Variants in DTNB observed in about 807,000 individuals in gnomAD.
DTNB encodes dystrobrevin beta.
Under a neutral mutation model 90.7 loss-of-function variants are expected in DTNB, and 63 were observed. That is an observed-to-expected ratio of 0.69 (90% confidence interval 0.57 to 0.86). DTNB has a LOEUF of 0.86. Ranked by LOEUF, DTNB falls within the 40% of genes least tolerant of loss-of-function variation. The pLI, the probability that DTNB is intolerant of heterozygous loss-of-function variation, is 0.00. For synonymous variants in DTNB, 277 were observed against 286.7 expected (o/e 0.97, Z 0.34); for missense variants, 744 against 807.1 (o/e 0.92, Z 0.95).
At chr2:25,526,395 A>ATATATTTTT in intron 9 of DTNB, among the ~76,000 whole-genome samples, 717 of 49,798 alleles carry the variant, frequency 0.014, 20 homozygotes, top group East Asian at 0.034. Flanking sequence ...ATATATATAT[A>ATATATTTTT]TTTTTTTTTT....
rs1224653544 is a variant in DTNB, at chr2:25,614,805, A to G, written c.363-7484T>C. 3.9e-5 allele frequency among the ~76,000 whole-genome samples: 6 copies of G among 152,328 alleles called. No individual in the cohort carries two copies. The East Asian group carries it at 1.2e-3, about 29-fold the overall frequency. On this transcript the variant is annotated intron_variant, in intron 4 of 20. Transcript: ENST00000406818. ...AAAACTGTTTTTCCTACTCTCTTAC[A>G]CAGCAATTCACTCTGACACCAGATG...
chr2:25,670,729 A>G (rs1040889303), intron 1 of DTNB, among the ~76,000 whole-genome samples: 1 of 152,228 alleles, frequency 6.6e-6, no homozygotes, highest in East Asian at 1.9e-4. Flanking sequence ...GGGAAGATAG[A>G]GAATGGACTG....
At position 25,652,644 on chromosome 2, in the gene DTNB, C is replaced by G; in HGVS notation, c.17G>C (p.Gly6Ala). Residue 6 changes from glycine (G) to alanine (A), a missense_variant, in exon 2 of 21, where the codon GGG becomes GCG. Transcript: ENST00000406818. ...CTCTGCCATGGTCTTCCGCTTGTTC[C>G]CACTTTCCTCAATCATCCTAGAGAC... Reference protein sequence around the residue: MIEESGNKRKTMAEKR... With the variant: MIEESANKRKTMAEKR... The G allele has an allele frequency of 6.2e-7, 1 of 1,612,808 alleles. No homozygotes were observed. The highest frequency in any genetic ancestry group is 8.5e-7 in the Non-Finnish European group (1 of 1,179,714).
intron 1 of DTNB, among the ~76,000 whole-genome samples, chr2:25,663,779 T>C (rs1574213909): frequency 6.6e-6 from 1 of 152,246 alleles, no homozygotes; most frequent in Admixed American, 6.5e-5. Flanking sequence ...CAACGTGTTC[T>C]ACCAGTATCT....
intron 19 of DTNB, 149 bp from the exon 20 acceptor site, chr2:25,379,472 G>A: frequency 4.0e-6 from 4 of 1,009,340 alleles, no homozygotes; most frequent in Non-Finnish European, 5.2e-6. Flanking sequence ...TCCCACCCAG[G>A]TATGACAGCA....
At chr2:25,541,746 C>T (rs2081306652) in intron 8 of DTNB, among the ~76,000 whole-genome samples, 1 of 152,008 alleles carries the variant, frequency 6.6e-6, no homozygotes, top group Non-Finnish European at 1.5e-5. Context: ...TCTTTGAGAC[C>T]CTGCTTTCAA....
chr2:25,512,005 C>T (rs377606161), intron 9 of DTNB, among the ~76,000 whole-genome samples: 2 of 152,242 alleles, frequency 1.3e-5, no homozygotes, highest in East Asian at 3.9e-4. Context: ...TACAATTTAA[C>T]TGAACATTTC....
chr2:25,428,488 A>C (rs2052657780), intron 14 of DTNB, among the ~76,000 whole-genome samples: 1 of 148,068 alleles, frequency 6.8e-6, no homozygotes, highest in South Asian at 2.1e-4. Context: ...GCTGGAGTGC[A>C]GTGGTGCCAT....
intron 9 of DTNB, among the ~76,000 whole-genome samples, chr2:25,528,265 T>C (rs971423783): frequency 5.3e-5 from 8 of 152,152 alleles, no homozygotes; most frequent in African/African-American, 1.9e-4. Flanking sequence ...AAAGGGAACC[T>C]CTTAAACCCG....
At chr2:25,624,257 A>C (rs188019759) in intron 4 of DTNB, among the ~76,000 whole-genome samples, 56 of 152,268 alleles carry the variant, frequency 3.7e-4, no homozygotes, top group Non-Finnish European at 6.9e-4. Flanking sequence ...TTGATGTCTC[A>C]TGTCTTCCTA....
chr2:25,508,977 T>C (rs986181061), intron 9 of DTNB, among the ~76,000 whole-genome samples: 4 of 152,272 alleles, frequency 2.6e-5, no homozygotes, highest in African/African-American at 9.6e-5. Flanking sequence ...TTGCTGCTAA[T>C]ATACAGAAAT....
At chr2:25,430,531 G>T (rs551934828) in intron 14 of DTNB, among the ~76,000 whole-genome samples, 39 of 152,040 alleles carry the variant, frequency 2.6e-4, no homozygotes, top group Non-Finnish European at 4.6e-4. Context: ...GTGGGGGTAG[G>T]GGGTGGAGAG....
chr2:25,602,121 C>T (rs1286096849), intron 5 of DTNB, among the ~76,000 whole-genome samples: 1 of 150,868 alleles, frequency 6.6e-6, no homozygotes, highest in Non-Finnish European at 1.5e-5. Context: ...GACTCCATCT[C>T]AAAAGAAAAA....
chr2:25,595,810 T>C (rs566352793), intron 6 of DTNB, among the ~76,000 whole-genome samples: 1 of 152,306 alleles, frequency 6.6e-6, no homozygotes, highest in South Asian at 2.1e-4. Flanking sequence ...ATATGTCCTG[T>C]AGCAAAAATG....
chr2:25,657,334 A>C (rs1337315682), intron 1 of DTNB, among the ~76,000 whole-genome samples: 2 of 152,230 alleles, frequency 1.3e-5, no homozygotes, highest in African/African-American at 4.8e-5. Context: ...TGCCCCACAA[A>C]AGATACTATT....
At chr2:25,630,916 A>G (rs1385758581) in intron 3 of DTNB, among the ~76,000 whole-genome samples, 1 of 151,806 alleles carries the variant, frequency 6.6e-6, no homozygotes, top group Non-Finnish European at 1.5e-5. Context: ...CCCTTAAAAC[A>G]TTATTCTAAG....
chr2:25,481,145 T>C (rs2064851319), intron 10 of DTNB, among the ~76,000 whole-genome samples: 1 of 151,964 alleles, frequency 6.6e-6, no homozygotes, highest in Admixed American at 6.6e-5. Flanking sequence ...GTGCCCGTAA[T>C]CCAGCACTTT....
rs536394643 is a variant in DTNB at position 25,573,880 on chromosome 2, T to A, written c.876+2958A>T. 1.3e-4 allele frequency among the ~76,000 whole-genome samples: 20 copies of A among 152,344 alleles called. No individual in the cohort carries two copies. In the East Asian group the frequency reaches 3.3e-3, roughly 25 times the overall value. ...ACGCAAAGTTCTTATCATGCCTCCA[T>A]CACAGTCAAGTGGGTTGCTGGATAT... On this transcript the variant is annotated intron_variant, in intron 8 of 20. Coordinates refer to ENST00000406818, the MANE Select transcript of DTNB (RefSeq NM_021907.5).
At chr2:25,594,275 C>T (rs1057117086) in intron 6 of DTNB, among the ~76,000 whole-genome samples, 2 of 152,100 alleles carry the variant, frequency 1.3e-5, no homozygotes, top group African/African-American at 4.8e-5. Context: ...TTTTAATATG[C>T]TAAAAGCTGA....
Sources: allele counts gnomAD v4.1 joint callset (sites outside exome capture counted in the v4.1 genomes callset), GRCh38; gene constraint gnomAD v4.1.1; transcripts MANE v1.5; gene names NCBI Gene and HGNC (gene_info 2026-07-23, HGNC 2026-07-21).